The following DOCK10 variants were observed in gnomAD, a reference collection of about 807,000 sequenced individuals.
The protein encoded by DOCK10 is dedicator of cytokinesis 10.
DOCK10 carries 145 observed loss-of-function variants against 280.1 expected under a neutral mutation model. That is an observed-to-expected ratio of 0.52 (90% confidence interval 0.45 to 0.59). The LOEUF is 0.59. Ranked by LOEUF, DOCK10 falls within the 20% of genes least tolerant of loss-of-function variation. The pLI, the probability that DOCK10 is intolerant of heterozygous loss-of-function variation, is 0.00. For missense variants in DOCK10, 2,368 were observed against 2,651.7 expected, an observed-to-expected ratio of 0.89 and a Z score of 2.35; for synonymous variants, 915 against 942.2, an observed-to-expected ratio of 0.97 and a Z score of 0.53.
At chr2:224,927,617 G>A (rs1156330370) in intron 2 of DOCK10, among the ~76,000 whole-genome samples, 3 of 152,154 alleles carry the variant, frequency 2.0e-5, no homozygotes, top group Admixed American at 6.5e-5. Context: ...GATACCAGAC[G>A]AAGTCTCTGA....
At chr2:225,033,034 ACT>A (rs1393456918) in intron 1 of DOCK10, among the ~76,000 whole-genome samples, 2 of 151,990 alleles carry the variant, frequency 1.3e-5, no homozygotes, top group Non-Finnish European at 2.9e-5. Context: ...CTGTTGTTAA[ACT>A]CTGCCATTTT....
At chr2:224,883,215 C>T (rs1272096686) in intron 7 of DOCK10, among the ~76,000 whole-genome samples, 1 of 152,214 alleles carries the variant, frequency 6.6e-6, no homozygotes, top group Non-Finnish European at 1.5e-5. Flanking sequence ...ATTCATACCT[C>T]CATCATCGCT....
chr2:224,945,963 T>C lies in DOCK10; in HGVS notation c.124-14295A>G, dbSNP rs1703390537. 1.3e-5 allele frequency among the ~76,000 whole-genome samples: 2 copies of C among 152,036 alleles called. 1 individual carries two copies. The highest frequency in any genetic ancestry group is 4.1e-4 in the South Asian group (2 of 4,830). ...AGAATTCTCAGACCCCAAATGACAA[T>C]AGCGCTGAGGTTGAGAAACCCTGCT... On this transcript the variant is annotated intron_variant, in intron 1 of 55. Transcript: ENST00000258390.
rs375442229 is a variant in DOCK10 at position 224,816,725 on chromosome 2, G to T, written c.3268-12C>A. On this transcript the variant is annotated splice_polypyrimidine_tract_variant and intron_variant, in intron 29 of 55. Transcript: ENST00000258390. ...TACTGGCACAAGGTCTGAAAGAGAG[G>T]CAAACTAAATGACTATGACTTACAG... 4 of 1,463,734 alleles carry T rather than the reference G, an allele frequency of 2.7e-6. No homozygotes were observed. In the South Asian group the frequency reaches 3.6e-5, roughly 13 times the overall value. The allele number at this position is 1,463,734 out of a possible 1,614,324, so 90.7% of individuals were successfully genotyped here.
chr2:224,935,487 C>G (rs1037289576), intron 1 of DOCK10, among the ~76,000 whole-genome samples: 3 of 152,126 alleles, frequency 2.0e-5, no homozygotes, highest in Admixed American at 6.5e-5. Flanking sequence ...TACGATGCAA[C>G]AGAGAGTTTA....
intron 4 of DOCK10, among the ~76,000 whole-genome samples, chr2:224,895,421 G>C (rs573361682): frequency 6.6e-6 from 1 of 152,246 alleles, no homozygotes; most frequent in Non-Finnish European, 1.5e-5. Context: ...CATAATCTTA[G>C]CTTGATGAAC....
intron 1 of DOCK10, chr2:224,946,792 A>C: frequency 7.3e-7 from 1 of 1,365,962 alleles, no homozygotes; most frequent in South Asian, 1.4e-5. Flanking sequence ...ATCATTTTTG[A>C]AAGAAAGGAT....
At chr2:224,942,394 G>C (rs1478544787) in intron 1 of DOCK10, among the ~76,000 whole-genome samples, 2 of 152,170 alleles carry the variant, frequency 1.3e-5, no homozygotes, top group African/African-American at 4.8e-5. Context: ...TCTTCAACCT[G>C]TCCATTTCCA....
chr2:224,879,713 G>C (rs1437336760), intron 7 of DOCK10, among the ~76,000 whole-genome samples: 11 of 151,838 alleles, frequency 7.2e-5, no homozygotes, highest in Admixed American at 7.2e-4. Context: ...AGCCGAAATT[G>C]CACCACTGCA....
At chr2:224,885,888 C>T (rs189478773) in intron 6 of DOCK10, 83 bp from the exon 7 acceptor site, 1 of 1,531,316 alleles carries the variant, frequency 6.5e-7, no homozygotes, top group East Asian at 2.3e-5. Flanking sequence ...CTAATTCCTT[C>T]AGGAGTGCTA....
chr2:224,775,473 A>ATATTATTAT (rs3083072), intron 51 of DOCK10, among the ~76,000 whole-genome samples: 1 of 150,170 alleles, frequency 6.7e-6, no homozygotes, highest in East Asian at 1.9e-4. Flanking sequence ...CATTTTATTT[A>ATATTATTAT]TATTATTATT....
At chr2:224,797,602 C>T (rs1692670368) in intron 42 of DOCK10, among the ~76,000 whole-genome samples, 1 of 152,118 alleles carries the variant, frequency 6.6e-6, no homozygotes, top group South Asian at 2.1e-4. Context: ...GAATTGGTGA[C>T]CAGATGCTAA....
At chr2:224,767,538 T>G (rs1217639584) in intron 55 of DOCK10, among the ~76,000 whole-genome samples, 1 of 152,196 alleles carries the variant, frequency 6.6e-6, no homozygotes, top group Non-Finnish European at 1.5e-5. Flanking sequence ...AAAGACTATG[T>G]TTTTTTAAAG....
chr2:224,820,017 A>G (rs2125318158), intron 28 of DOCK10, among the ~76,000 whole-genome samples: 1 of 152,194 alleles, frequency 6.6e-6, no homozygotes, highest in South Asian at 2.1e-4. Flanking sequence ...TCCATTTCAC[A>G]CTTATGGGGT....
intron 1 of DOCK10, among the ~76,000 whole-genome samples, chr2:225,040,321 A>G (rs888091075): frequency 1.3e-5 from 2 of 152,192 alleles, no homozygotes; most frequent in African/African-American, 2.4e-5. Context: ...GATGTGTAAG[A>G]TCCCATGAAA....
At chr2:224,891,620 T>G (rs1287390427) in intron 4 of DOCK10, among the ~76,000 whole-genome samples, 8 of 152,114 alleles carry the variant, frequency 5.3e-5, no homozygotes, top group Admixed American at 5.2e-4. Flanking sequence ...TCAGAAGATA[T>G]GAGACAGAGA....
At chr2:225,023,066 G>A (rs763747910) in intron 1 of DOCK10, among the ~76,000 whole-genome samples, 3 of 151,136 alleles carry the variant, frequency 2.0e-5, no homozygotes, top group East Asian at 1.9e-4. Context: ...ACGGAGTTTC[G>A]CTCTTGTTGT....
At chr2:225,041,890 C>T (rs1013388596) in intron 1 of DOCK10, among the ~76,000 whole-genome samples, 3 of 152,218 alleles carry the variant, frequency 2.0e-5, no homozygotes, top group East Asian at 1.9e-4. Flanking sequence ...CCCCCCACCC[C>T]ACCCGGGGTC....
At chr2:224,785,390 A>C (rs1691662564) in intron 50 of DOCK10, among the ~76,000 whole-genome samples, 1 of 152,106 alleles carries the variant, frequency 6.6e-6, no homozygotes, top group Non-Finnish European at 1.5e-5. Flanking sequence ...CCTGAGAAAA[A>C]TCCCGGCTGG....
Sources: allele counts gnomAD v4.1 joint callset (sites outside exome capture counted in the v4.1 genomes callset), GRCh38; gene constraint gnomAD v4.1.1; transcripts MANE v1.5; gene names NCBI Gene and HGNC (gene_info 2026-07-23, HGNC 2026-07-21).